The following PAPPA variants were observed in gnomAD, a reference collection of about 807,000 sequenced individuals.
PAPPA encodes pappalysin-1.
Under a neutral mutation model 164.0 loss-of-function variants are expected in PAPPA, and 60 were observed. That is an observed-to-expected ratio of 0.37 (90% CI 0.30 to 0.45). The LOEUF is 0.45. PAPPA is among the 20% of genes least tolerant of loss of function. PAPPA has a pLI of 1.00. For synonymous variants in PAPPA, 875 were observed against 814.1 expected (o/e 1.07, Z -1.27); for missense variants, 1,782 against 2,087.3 (o/e 0.85, Z 2.85).
At chr9:116,209,134 G>A (rs552080397) in intron 3 of PAPPA, among the ~76,000 whole-genome samples, 2 of 152,300 alleles carry the variant, frequency 1.3e-5, no homozygotes, top group African/African-American at 4.8e-5. Flanking sequence ...TTGGCAGATA[G>A]ACAGACACAG....
chr9:116,300,264 T>G lies in PAPPA; in HGVS notation c.2954-2493T>G, dbSNP rs1845563622. The stretch of plus-strand genomic sequence containing the variant: ...TTCTTTTCTCTTTCTGTTTTTCTTT[T>G]GTTTTGTTTTGTTTTGTTTTTTTGT... On this transcript the variant is annotated intron_variant, in intron 9 of 21. Transcript: ENST00000328252. Among the ~76,000 whole-genome samples, 3 of 151,844 alleles carry G rather than the reference T, an allele frequency of 2.0e-5. No homozygotes were observed. The South Asian group carries it at 6.3e-4, about 32-fold the overall frequency.
chr9:116,365,815 A>C (rs1846493820), intron 18 of PAPPA, among the ~76,000 whole-genome samples: 2 of 151,090 alleles, frequency 1.3e-5, no homozygotes, highest in Non-Finnish European at 3.0e-5. Context: ...GCCTCTCACC[A>C]TCTCTCCTGT....
rs747846971 is a variant in PAPPA, at chr9:116,235,580, C to T, written c.2675C>T (p.Pro892Leu). 6.2e-7 allele frequency: 1 copy of T among 1,613,544 alleles called. No individual in the cohort carries two copies. Among genetic ancestry groups the T allele is most frequent in the Non-Finnish European group, 8.5e-7 (1 of 1,179,934 alleles). Residue 892 changes from proline to leucine, a missense_variant, in exon 7 of 22, where the codon CCT (proline) becomes CTT (leucine). Around this residue, in one of 2 missense-constraint regions of PAPPA, gnomAD observed 1,324 missense variants for 1,656.9 expected, o/e 0.80. Transcript: ENST00000328252. ...CTGAAGTATAAGGTGGTCCGGGACCCTCCTCTCCAGATGGATGTGGCCTCC... is the reference window on the plus strand; with the variant it reads ...CTGAAGTATAAGGTGGTCCGGGACCTTCCTCTCCAGATGGATGTGGCCTCC... ...KPLKYKVVRDPPLQMDVASIL... is the reference protein window; with the variant it reads ...KPLKYKVVRDLPLQMDVASIL...
At chr9:116,182,337 C>A (rs2118615782) in intron 1 of PAPPA, among the ~76,000 whole-genome samples, 1 of 152,310 alleles carries the variant, frequency 6.6e-6, no homozygotes. Context: ...AGAGCACTTA[C>A]AACATACCAG....
intron 10 of PAPPA, among the ~76,000 whole-genome samples, chr9:116,315,683 A>G (rs1845779498): frequency 6.6e-6 from 1 of 152,010 alleles, no homozygotes; most frequent in Non-Finnish European, 1.5e-5. Flanking sequence ...CTTCAGAGAG[A>G]TCTCCCAATA....
At position 116,373,938 on chromosome 9, in the gene PAPPA, G is replaced by A. The variant is rs1360148489; in HGVS notation, c.4606-3638G>A. Among the ~76,000 whole-genome samples, 19 of 152,236 alleles carry A rather than the reference G, an allele frequency of 1.2e-4. No homozygotes were observed. In the East Asian group the frequency reaches 3.7e-3, roughly 29 times the overall value. ...CTCATAGTTACGGTGAGAATTAAAT[G>A]AGATGAAAGCTCTGAGCCCAGGGCT... On this transcript the variant is annotated intron_variant, in intron 19 of 21. Transcript: ENST00000328252.
rs1337482047 is a variant in PAPPA at position 116,347,812 on chromosome 9, G to GA, written c.3964+608dup. 6.6e-6 allele frequency among the ~76,000 whole-genome samples: 1 copy of GA among 152,128 alleles called. No homozygotes were observed. The highest frequency in any genetic ancestry group is 2.4e-5 in the African/African-American group (1 of 41,410). On this transcript the variant is annotated intron_variant, in intron 15 of 21. Coordinates refer to ENST00000328252, the MANE Select transcript of PAPPA (RefSeq NM_002581.5). The surrounding 1 kb of genome is among the most constrained non-coding windows in gnomAD (Gnocchi z 4.5). ...AGCTAGGCACCAGGGCTATTGAGGG[G>GA]AAAAAGACACTGGCATACCAGAGAA...
In PAPPA at chr9:116,172,301, T is replaced by C. The variant is rs139751252; in HGVS notation, c.416-14853T>C. ...TTCTCTAGACTGGTTCTAAATTCTG[T>C]AGCCTCACATTCACCTTCCTCCCTA... On this transcript the variant is annotated intron_variant, in intron 1 of 21. Coordinates refer to ENST00000328252, the MANE Select transcript of PAPPA (RefSeq NM_002581.5). Among the ~76,000 whole-genome samples the C allele has an allele frequency of 1.6e-4, 24 of 152,308 alleles. No individual in the cohort carries two copies. In the East Asian group the frequency reaches 4.6e-3, roughly 29 times the overall value.
rs1240556767 is a variant in PAPPA at position 116,347,373 on chromosome 9, T to C, written c.3964+164T>C. Reference sequence around the variant, plus strand: ...TGTATTTATGTAAACTGCCCTGCTATGCAGATAAGAAAGAAAAAAGAGTGT... The same window carrying C: ...TGTATTTATGTAAACTGCCCTGCTACGCAGATAAGAAAGAAAAAAGAGTGT... On this transcript the variant is annotated intron_variant, in intron 15 of 21. Coordinates refer to ENST00000328252, the MANE Select transcript of PAPPA (RefSeq NM_002581.5). The surrounding 1 kb of genome is among the most constrained non-coding windows in gnomAD (Gnocchi z 4.5). Among the ~76,000 whole-genome samples the C allele has an allele frequency of 6.6e-6, 1 of 152,038 alleles. No individual in the cohort carries two copies. Among genetic ancestry groups the C allele is most frequent in the African/African-American group, 2.4e-5 (1 of 41,366 alleles).
intron 10 of PAPPA, chr9:116,316,471 T>C (rs970385270): frequency 6.6e-6 from 1 of 152,256 alleles, no homozygotes; most frequent in African/African-American, 2.4e-5. Context: ...TTTGTGCAGA[T>C]GTCTGTTGCC....
intron 20 of PAPPA, among the ~76,000 whole-genome samples, chr9:116,379,802 G>A (rs540313065): frequency 1.3e-4 from 20 of 152,256 alleles, no homozygotes; most frequent in African/African-American, 4.3e-4. Flanking sequence ...TATTAGGGGT[G>A]GCATTTTGGA....
At position 116,390,703 on chromosome 9, in the gene PAPPA, C is replaced by G. The variant is rs576037235; in HGVS notation, c.4777-5806C>G. Among the ~76,000 whole-genome samples the G allele has an allele frequency of 1.4e-3, 206 of 152,248 alleles. 1 individual carries two copies. The highest frequency in any genetic ancestry group is 6.0e-3 in the South Asian group (29 of 4,820). On this transcript the variant is annotated intron_variant, in intron 21 of 21. Transcript: ENST00000328252. ...TTAAACCCTCTGCCTCCCCCTGCCC[C>G]CCGCTTTGGAATGTAGCCCTGACTT...
intron 4 of PAPPA, among the ~76,000 whole-genome samples, chr9:116,213,168 C>G (rs1844329665): frequency 6.6e-6 from 1 of 152,160 alleles, no homozygotes; most frequent in African/African-American, 2.4e-5. Flanking sequence ...CCTGCTAAAG[C>G]CAGGGAAAAC....
rs563776353 is a variant in PAPPA, at chr9:116,226,635, T to C, written c.2112-796T>C. 2.0e-5 allele frequency among the ~76,000 whole-genome samples: 3 copies of C among 152,356 alleles called. No individual in the cohort carries two copies. In the East Asian group the frequency reaches 5.8e-4, roughly 29 times the overall value. ...CAATAAGACAGGAGAAGAGGACTCA[T>C]TCCTCTCCCTTCTCCACAACTGCCT... On this transcript the variant is annotated intron_variant, in intron 5 of 21. Transcript: ENST00000328252.
intron 2 of PAPPA, among the ~76,000 whole-genome samples, chr9:116,195,483 A>G (rs1481368067): frequency 6.6e-6 from 1 of 152,220 alleles, no homozygotes; most frequent in African/African-American, 2.4e-5. Flanking sequence ...GGAACATACT[A>G]CAGTCAAGTC....
At chr9:116,394,853 G>A (rs1262970559) in intron 21 of PAPPA, among the ~76,000 whole-genome samples, 2 of 152,182 alleles carry the variant, frequency 1.3e-5, no homozygotes, top group African/African-American at 4.8e-5. Flanking sequence ...TAAGTACAAA[G>A]AGTCAGAGAG....
intron 4 of PAPPA, 51 bp downstream of exon 4, chr9:116,211,983 A>G: frequency 6.5e-7 from 1 of 1,534,030 alleles, no homozygotes; most frequent in Non-Finnish European, 9.0e-7. Flanking sequence ...CAGATGTGGG[A>G]TCCAATCCTG....
At chr9:116,250,812 C>A (rs563463757) in intron 7 of PAPPA, among the ~76,000 whole-genome samples, 3 of 152,284 alleles carry the variant, frequency 2.0e-5, no homozygotes, top group East Asian at 3.9e-4. Context: ...TTGAACTTAG[C>A]GCTCCTAATT....
At chr9:116,384,352 G>A (rs1253558098) in intron 21 of PAPPA, among the ~76,000 whole-genome samples, 5 of 151,542 alleles carry the variant, frequency 3.3e-5, no homozygotes, top group Admixed American at 2.6e-4. Flanking sequence ...TACTTGGGAA[G>A]CTGAAGCAGA....
Sources: gnomAD v4.1 joint callset for allele counts (sites outside exome capture counted in the v4.1 genomes callset) on GRCh38, gnomAD v4.1.1 for gene constraint, gnomAD v4.1.1 regional missense constraint, Gnocchi (gnomAD v3.1) non-coding constraint, MANE v1.5 for transcripts, NCBI Gene and HGNC (gene_info 2026-07-23, HGNC 2026-07-21) for gene names.